Variants in AP4S1 observed in about 807,000 individuals in gnomAD.
The protein encoded by AP4S1 is adaptor related protein complex 4 subunit sigma 1.
AP4S1 carries 23 observed loss-of-function variants against 19.8 expected under a neutral mutation model. That is an observed-to-expected ratio of 1.16 (90% CI 0.84 to 1.65). The LOEUF (loss-of-function observed/expected upper bound fraction) is 1.65. AP4S1 is among the 40% of genes most tolerant of loss of function. The pLI, the probability that AP4S1 is intolerant of heterozygous loss-of-function variation, is 0.00. For missense variants in AP4S1, 166 were observed against 172.8 expected (o/e 0.96, Z 0.22); for synonymous variants, 46 against 54.1 (o/e 0.85, Z 0.66).
At chr14:31,061,891 C>T (rs766274371) in intron 1 of AP4S1, among the ~76,000 whole-genome samples, 2 of 152,050 alleles carry the variant, frequency 1.3e-5, no homozygotes, top group South Asian at 2.1e-4. Flanking sequence ...CCGCCCGCCT[C>T]GGCCTCCCAA....
rs1888121960 is a variant in AP4S1, at chr14:31,093,187, C to T, written c.*152C>T. On this transcript the variant is annotated 3_prime_UTR_variant, in exon 6 of 6. Coordinates refer to ENST00000542754, the MANE Select transcript of AP4S1 (RefSeq NM_001128126.3). ...TTATAAATAGGCATTTTCCACAGTT[C>T]CTAAAAAGAAAACACAACTGTACTT... 1.4e-6 allele frequency: 1 copy of T among 727,518 alleles called. No homozygotes were observed. The highest frequency in any genetic ancestry group is 2.5e-5 in the South Asian group (1 of 39,644). 45.1% of individuals were successfully genotyped at this position (727,518 alleles called of 1,614,324 possible).
rs758351882 is a variant in AP4S1 at position 31,093,020 on chromosome 14, G to A, written c.420G>A (p.Lys140=). ...TTGCCCCTCTACTAATTCTTGATAA[G>A]ATGTCAGAAAGCTGAAAGGAAGTCT... ...RILAPLLILD[K]MSES The change falls in exon 6 of 6, where the codon AAG becomes AAA. Residue 140 remains lysine, a synonymous_variant. Transcript: ENST00000542754. 3 of 1,548,094 alleles carry A rather than the reference G, an allele frequency of 1.9e-6. No homozygotes were observed. The African/African-American group carries it at 4.1e-5, about 21-fold the overall frequency.
intron 5 of AP4S1, among the ~76,000 whole-genome samples, chr14:31,082,877 CAG>C (rs1566545203): frequency 6.9e-6 from 1 of 145,252 alleles, no homozygotes; most frequent in Non-Finnish European, 1.5e-5. Context: ...GCCTGGGCGA[CAG>C]AGCGAGACTC....
intron 5 of AP4S1, chr14:31,085,620 TA>T: frequency 1.2e-6 from 1 of 804,376 alleles, no homozygotes; most frequent in Non-Finnish European, 1.5e-6. Context: ...CAAAAAAATT[TA>T]AAAAGCCAGG....
intron 1 of AP4S1, among the ~76,000 whole-genome samples, chr14:31,058,403 C>T (rs1886242180): frequency 6.6e-6 from 1 of 152,126 alleles, no homozygotes; most frequent in African/African-American, 2.4e-5. Flanking sequence ...AATGCTTTCC[C>T]CAGTGAAGTT....
chr14:31,073,419 G>C (rs61976854), intron 4 of AP4S1, among the ~76,000 whole-genome samples: 1 of 137,662 alleles, frequency 7.3e-6, no homozygotes, highest in South Asian at 2.4e-4. Flanking sequence ...GAACCCGGGA[G>C]GCGGAGCTTG....
At chr14:31,076,244 T>C (rs1887355511) in intron 4 of AP4S1, among the ~76,000 whole-genome samples, 3 of 152,200 alleles carry the variant, frequency 2.0e-5, no homozygotes, top group Admixed American at 2.0e-4. Context: ...TTTTCCAAAG[T>C]GTTGGTGTGA....
intron 1 of AP4S1, among the ~76,000 whole-genome samples, chr14:31,030,595 T>C (rs1201452963): frequency 1.3e-5 from 2 of 152,164 alleles, no homozygotes; most frequent in African/African-American, 4.8e-5. Flanking sequence ...GCAGTCCTCC[T>C]TCCTTGGCGT....
At chr14:31,030,357 C>A (rs1186167473) in intron 1 of AP4S1, among the ~76,000 whole-genome samples, 1 of 152,150 alleles carries the variant, frequency 6.6e-6, no homozygotes, top group African/African-American at 2.4e-5. Flanking sequence ...ATAGTGAGTA[C>A]TCAATTTTTG....
chr14:31,051,112 T>G (rs1402868480), intron 1 of AP4S1, among the ~76,000 whole-genome samples: 3 of 151,800 alleles, frequency 2.0e-5, no homozygotes, highest in Non-Finnish European at 4.4e-5. Flanking sequence ...AAAAGTTAGC[T>G]GGGTGTGGTG....
chr14:31,038,592 G>A (rs1281334362), intron 1 of AP4S1, among the ~76,000 whole-genome samples: 1 of 152,138 alleles, frequency 6.6e-6, no homozygotes, highest in Non-Finnish European at 1.5e-5. Flanking sequence ...CAAACCCAGA[G>A]GTAATGAGCT....
At chr14:31,065,187 G>A (rs1047857817) in intron 1 of AP4S1, among the ~76,000 whole-genome samples, 1 of 152,152 alleles carries the variant, frequency 6.6e-6, no homozygotes, top group African/African-American at 2.4e-5. Context: ...TATCATATGT[G>A]AGTAGCTTAA....
chr14:31,044,084 T>G (rs1345179476), intron 1 of AP4S1, among the ~76,000 whole-genome samples: 2 of 152,190 alleles, frequency 1.3e-5, no homozygotes, highest in East Asian at 1.9e-4. Flanking sequence ...CTCAATGTTT[T>G]TAAAACAAAC....
In AP4S1 at chr14:31,083,016, C is replaced by G. The variant is rs184877256; in HGVS notation, c.306+2432C>G. On this transcript the variant is annotated intron_variant, in intron 5 of 5. Transcript: ENST00000542754. ...CATCTAAAACAGGAAGAGAGTCTTA[C>G]AAGACTAGATATTGAGAGAGTTAAC... is the stretch of plus-strand genomic sequence containing the variant. Among the ~76,000 whole-genome samples, 3 of 152,052 alleles carry G rather than the reference C, an allele frequency of 2.0e-5. No individual in the cohort carries two copies. In the East Asian group the frequency reaches 5.8e-4, roughly 29 times the overall value.
chr14:31,080,631 C>T, intron 5 of AP4S1, 47 bp downstream of exon 5: 2 of 1,613,196 alleles, frequency 1.2e-6, no homozygotes, highest in Non-Finnish European at 1.7e-6. Flanking sequence ...CAAATGCACT[C>T]TGGTCCTTAT....
At chr14:31,044,851 G>T (rs7153940) in intron 1 of AP4S1, among the ~76,000 whole-genome samples, 67,496 of 151,698 alleles carry the variant, frequency 0.44, 15,923 homozygotes, top group Admixed American at 0.58. Context: ...AGAGTGTCAG[G>T]TTTGGGGGCA....
chr14:31,042,958 A>G (rs1027608007), intron 1 of AP4S1, among the ~76,000 whole-genome samples: 6 of 152,122 alleles, frequency 3.9e-5, no homozygotes, highest in Non-Finnish European at 7.4e-5. Flanking sequence ...TCATGCCTGT[A>G]ACCTGTAATC....
intron 1 of AP4S1, among the ~76,000 whole-genome samples, chr14:31,035,816 G>A (rs765715786): frequency 5.4e-5 from 8 of 149,524 alleles, no homozygotes; most frequent in Admixed American, 1.3e-4. Context: ...TGCAACTTCC[G>A]CCTCCTGGGT....
At chr14:31,058,531 G>C (rs1267390607) in intron 1 of AP4S1, among the ~76,000 whole-genome samples, 267 of 13,258 alleles carry the variant, frequency 0.02, no homozygotes, top group African/African-American at 0.037. Context: ...GTGTGTATGT[G>C]TGTGTGTGTG....
Sources: allele counts gnomAD v4.1 joint callset (sites outside exome capture counted in the v4.1 genomes callset), GRCh38; gene constraint gnomAD v4.1.1; transcripts MANE v1.5; gene names NCBI Gene and HGNC (gene_info 2026-07-23, HGNC 2026-07-21).